Variants in BAG1 observed in about 807,000 individuals in gnomAD.
BAG1 encodes BAG family molecular chaperone regulator 1.
Under a neutral mutation model 35.5 loss-of-function variants are expected in BAG1, and 35 were observed. The observed-to-expected ratio is 0.99, with a 90% CI of 0.75 to 1.31. The LOEUF is 1.31. BAG1 is among the 50% of genes most tolerant of loss of function. The pLI is 0.00. For synonymous variants in BAG1, 191 were observed against 178.9 expected, an observed-to-expected ratio of 1.07 and a Z score of -0.54; for missense variants, 464 against 453.6, an observed-to-expected ratio of 1.02 and a Z score of -0.21.
intron 2 of BAG1, chr9:33,261,993 G>T: frequency 1.7e-6 from 2 of 1,184,480 alleles, no homozygotes; most frequent in Non-Finnish European, 2.1e-6. Flanking sequence ...TTTTAACAGA[G>T]AAATCAGATG....
chr9:33,263,638 T>A (rs1039791731), intron 1 of BAG1, among the ~76,000 whole-genome samples: 1 of 152,074 alleles, frequency 6.6e-6, no homozygotes, highest in Non-Finnish European at 1.5e-5. Context: ...GGATCTAGAA[T>A]CCAGGTCTCC....
At chr9:33,264,156 G>A in intron 1 of BAG1, 68 bp downstream of exon 1, 2 of 1,506,286 alleles carry the variant, frequency 1.3e-6, no homozygotes, top group Non-Finnish European at 1.8e-6. Context: ...GAGGACACGT[G>A]ACTAAACCCA....
At chr9:33,256,003 T>C (rs1820445212) in intron 5 of BAG1, 76 bp from the exon 6 acceptor site, 4 of 1,377,068 alleles carry the variant, frequency 2.9e-6, no homozygotes, top group Non-Finnish European at 4.1e-6. Flanking sequence ...GAAAATGACA[T>C]GAGAGCACAT....
chr9:33,263,666 G>A (rs1820629881), intron 1 of BAG1, among the ~76,000 whole-genome samples: 1 of 152,024 alleles, frequency 6.6e-6, no homozygotes, highest in East Asian at 1.9e-4. Flanking sequence ...CAGACCCTTG[G>A]GCCTCCCCTA....
rs746131931 is a variant in BAG1 at position 33,264,434 on chromosome 9, T to A, written c.241A>T (p.Thr81Ser). 1.2e-6 allele frequency: 2 copies of A among 1,613,922 alleles called. No individual in the cohort carries two copies. Among genetic ancestry groups the A allele is most frequent in the Non-Finnish European group, 1.7e-6 (2 of 1,179,996 alleles). The change falls in exon 1 of 7, where the codon ACC (threonine) becomes TCC (serine). Residue 81 changes from threonine (T) to serine (S), a missense_variant. Physicochemically the swap from Thr to Ser is moderately conservative, Grantham distance 58. Transcript: ENST00000634734. ...CTCCGGGTCAACTCCTCGCTCCGGGTCGAGCGGCGCCGGGTTTTCTTCTTC... is the reference window on the plus strand; with the variant it reads ...CTCCGGGTCAACTCCTCGCTCCGGGACGAGCGGCGCCGGGTTTTCTTCTTC...
Position 33,255,191 on chromosome 9 carries a change from G to C in BAG1, c.*28C>G. Reference sequence around the variant, plus strand: ...GCAGAGCTGGTGGCGCCATTCTTCAGGGCAGCACAGCCTTTTTCTGCTACA... The same window carrying C: ...GCAGAGCTGGTGGCGCCATTCTTCACGGCAGCACAGCCTTTTTCTGCTACA... On this transcript the variant is annotated 3_prime_UTR_variant, in exon 7 of 7. Transcript: ENST00000634734. 1.2e-6 allele frequency: 2 copies of C among 1,614,214 alleles called. No homozygotes were observed. The highest frequency in any genetic ancestry group is 1.7e-6 in the Non-Finnish European group (2 of 1,180,024).
Position 33,254,998 on chromosome 9 carries a change from T to C in BAG1, c.*221A>G. The C allele has an allele frequency of 6.7e-7, 1 of 1,499,286 alleles. No individual in the cohort carries two copies. Among genetic ancestry groups the C allele is most frequent in the Non-Finnish European group, 9.0e-7 (1 of 1,114,674 alleles). The allele number at this position is 1,499,286 out of a possible 1,614,324, so 92.9% of individuals were successfully genotyped here. ...GCCCTCTCCAGAAAAGGTGGATTGC[T>C]GGACAGTACAACCACAGAGACAGAA... On this transcript the variant is annotated 3_prime_UTR_variant, in exon 7 of 7. Transcript: ENST00000634734.
chr9:33,262,701 C>A lies in BAG1; in HGVS notation c.580+1G>T. On this transcript the variant is annotated splice_donor_variant, in intron 2 of 6. Coordinates refer to ENST00000634734, the MANE Select transcript of BAG1 (RefSeq NM_004323.6). LOFTEE classifies it high-confidence loss of function. ...AGAAAGAAAGAAAAAGAAATGCTTA[C>A]CCTTAAATATGAGTTTCTGAAAAGA... 1 of 1,586,688 alleles carries A rather than the reference C, an allele frequency of 6.3e-7. No homozygotes were observed. The highest frequency in any genetic ancestry group is 8.5e-7 in the Non-Finnish European group (1 of 1,171,774).
Position 33,256,789 on chromosome 9 carries a change from ATATT to A in BAG1, c.885+8_885+11del. On this transcript the variant is annotated splice_region_variant and intron_variant, in intron 5 of 6. Coordinates refer to ENST00000634734, the MANE Select transcript of BAG1 (RefSeq NM_004323.6). The stretch of plus-strand genomic sequence containing the variant: ...AAGAAAACTAGTTCTTCTCAGCTGA[ATATT>A]TACTTACCAGTGTGTCAATCTCCTC... 6.2e-7 allele frequency: 1 copy of A among 1,601,008 alleles called. No homozygotes were observed. Among genetic ancestry groups the A allele is most frequent in the Non-Finnish European group, 8.6e-7 (1 of 1,168,640 alleles).
chr9:33,260,986 A>G (rs74716702), intron 3 of BAG1, 101 bp downstream of exon 3: 3 of 914,796 alleles, frequency 3.3e-6, no homozygotes, highest in African/African-American at 1.7e-5. Context: ...TGTTTTATCA[A>G]TGCAGAATCT....
chr9:33,262,745 C>T lies in BAG1; in HGVS notation c.537G>A (p.Glu179=). 1 of 1,614,172 alleles carries T rather than the reference C, an allele frequency of 6.2e-7. No homozygotes were observed. Among genetic ancestry groups the T allele is most frequent in the Non-Finnish European group, 8.5e-7 (1 of 1,180,030 alleles). ...GAAAAGACTGTGGAACCCCTATGAC[C>T]TCTTCAACAACCTGGGCCAGGTCTT... Residue 179 remains glutamate, a synonymous_variant, in exon 2 of 7, where the codon GAG becomes GAA. Coordinates refer to ENST00000634734, the MANE Select transcript of BAG1 (RefSeq NM_004323.6).
intron 2 of BAG1, 142 bp from the exon 3 acceptor site, chr9:33,261,311 C>T: frequency 1.9e-6 from 1 of 535,110 alleles, no homozygotes; most frequent in South Asian, 2.6e-5. Flanking sequence ...CCAGTAATTT[C>T]ATTTCCAGAT....
chr9:33,261,089 T>C lies in BAG1; in HGVS notation c.661A>G (p.Lys221Glu). ...TTCTGATGGAAAAAGCAATTTACCT[T>C]TTTCCCAATTAACATGACCCGGCAA... The change falls in exon 3 of 7, where the codon AAG (lysine) becomes GAG (glutamate). Residue 221 changes from lysine to glutamate, a missense_variant and splice_region_variant. Lys to Glu is a moderately conservative substitution (Grantham distance 56, BLOSUM62 1). Coordinates refer to ENST00000634734, the MANE Select transcript of BAG1 (RefSeq NM_004323.6). The C allele has an allele frequency of 6.2e-7, 1 of 1,604,464 alleles. No individual in the cohort carries two copies. Among genetic ancestry groups the C allele is most frequent in the Non-Finnish European group, 8.5e-7 (1 of 1,175,138 alleles).
chr9:33,263,740 T>A (rs1278321526), intron 1 of BAG1, among the ~76,000 whole-genome samples: 2 of 151,452 alleles, frequency 1.3e-5, no homozygotes, highest in Non-Finnish European at 2.9e-5. Flanking sequence ...TGGTGGTGTG[T>A]CAACTCCAAC....
intron 2 of BAG1, 29 bp from the exon 3 acceptor site, chr9:33,261,198 TG>T: frequency 1.3e-6 from 2 of 1,501,648 alleles, no homozygotes; most frequent in Middle Eastern, 1.7e-4. Context: ...TAGGCCAAGT[TG>T]TAATAATTGT....
intron 4 of BAG1, among the ~76,000 whole-genome samples, chr9:33,258,298 C>CAAAAAAAAAA (rs10591225): frequency 4.7e-5 from 3 of 63,344 alleles, no homozygotes; most frequent in East Asian, 4.9e-4. Flanking sequence ...GACTCCATAT[C>CAAAAAAAAAA]AAAAAAAAAA....
chr9:33,254,753 T>A lies in BAG1; in HGVS notation c.*466A>T. On this transcript the variant is annotated 3_prime_UTR_variant, in exon 7 of 7. Transcript: ENST00000634734. ...GTCTACTTATGTGCCAAACACCTTGTTCTAGGCCATTCCCAATATTCCTGA... is the reference window on the plus strand; with the variant it reads ...GTCTACTTATGTGCCAAACACCTTGATCTAGGCCATTCCCAATATTCCTGA... The A allele has an allele frequency of 9.6e-6, 3 of 311,552 alleles. No homozygotes were observed. The highest frequency in any genetic ancestry group is 1.9e-5 in the Non-Finnish European group (3 of 158,998). The allele number at this position is 311,552 out of a possible 1,614,324, so 19.3% of individuals were successfully genotyped here.
intron 2 of BAG1, among the ~76,000 whole-genome samples, chr9:33,262,404 C>A (rs1469046806): frequency 1.3e-5 from 2 of 152,170 alleles, no homozygotes; most frequent in Non-Finnish European, 2.9e-5. Flanking sequence ...CACCTGTAAT[C>A]CCAGCACTTT....
chr9:33,260,153 T>C (rs974649910), intron 3 of BAG1: 1 of 152,232 alleles, frequency 6.6e-6, no homozygotes, highest in African/African-American at 2.4e-5. Flanking sequence ...ACAATAGGCA[T>C]GTGCCATGGT....
Sources: allele counts gnomAD v4.1 joint callset (sites outside exome capture counted in the v4.1 genomes callset), GRCh38; gene constraint gnomAD v4.1.1; transcripts MANE v1.5; gene names NCBI Gene and HGNC (gene_info 2026-07-23, HGNC 2026-07-21).